The following ARHGAP18 variants were observed in gnomAD, a reference collection of about 807,000 sequenced individuals.
The protein encoded by ARHGAP18 is rho GTPase-activating protein 18.
A neutral mutation model predicts 86.2 loss-of-function variants in ARHGAP18; 67 were observed. That is an observed-to-expected ratio of 0.78 (90% CI 0.64 to 0.95). The LOEUF (loss-of-function observed/expected upper bound fraction) is 0.95, where lower values mean the gene tolerates loss of function less well. Among genes scored for constraint, ARHGAP18 ranks in the 40% least tolerant of loss-of-function variants. The pLI, the probability that ARHGAP18 is intolerant of heterozygous loss-of-function variation, is 0.00. For synonymous variants in ARHGAP18, 283 were observed against 280.4 expected, an observed-to-expected ratio of 1.01 and a Z score of -0.09; for missense variants, 691 against 780.4, an observed-to-expected ratio of 0.89 and a Z score of 1.37.
intron 5 of ARHGAP18, among the ~76,000 whole-genome samples, chr6:129,628,463 T>A (rs1773089569): frequency 6.6e-6 from 1 of 152,202 alleles, no homozygotes; most frequent in South Asian, 2.1e-4. Flanking sequence ...ATTTGCCCAG[T>A]CTCAAGGATG....
chr6:129,581,147 T>C (rs974960616), intron 13 of ARHGAP18, among the ~76,000 whole-genome samples: 7 of 152,158 alleles, frequency 4.6e-5, no homozygotes, highest in African/African-American at 1.7e-4. Flanking sequence ...GAAGACACAC[T>C]CTCTGGAACT....
At chr6:129,583,950 T>G in intron 13 of ARHGAP18, 38 bp downstream of exon 13, 1 of 1,602,738 alleles carries the variant, frequency 6.2e-7, no homozygotes, top group Non-Finnish European at 8.5e-7. Flanking sequence ...AGCAAGTGAC[T>G]TATGCCATGG....
At chr6:129,652,936 ATTGCCC>A (rs1177101958) in intron 1 of ARHGAP18, among the ~76,000 whole-genome samples, 1 of 152,238 alleles carries the variant, frequency 6.6e-6, no homozygotes, top group Non-Finnish European at 1.5e-5. Flanking sequence ...TAGCAAATAT[ATTGCCC>A]TTCAGTAGGA....
At chr6:129,585,020 CTTTT>C (rs59934135) in intron 12 of ARHGAP18, among the ~76,000 whole-genome samples, 17 of 143,074 alleles carry the variant, frequency 1.2e-4, no homozygotes, top group Non-Finnish European at 1.5e-4. Flanking sequence ...ATATCATGTC[CTTTT>C]TTTTTTTTTT....
intron 10 of ARHGAP18, 80 bp from the exon 11 acceptor site, chr6:129,600,928 AT>A: frequency 7.9e-7 from 1 of 1,259,970 alleles, no homozygotes; most frequent in South Asian, 1.4e-5. Context: ...TGCAATTTTT[AT>A]TTCATTGAAA....
intron 1 of ARHGAP18, among the ~76,000 whole-genome samples, chr6:129,684,200 G>A (rs529171548): frequency 6.6e-6 from 1 of 152,254 alleles, no homozygotes; most frequent in South Asian, 2.1e-4. Flanking sequence ...AGGAAATGAT[G>A]CATGCGATAG....
chr6:129,633,205 A>C (rs1773254399), intron 4 of ARHGAP18, among the ~76,000 whole-genome samples: 1 of 151,706 alleles, frequency 6.6e-6, no homozygotes, highest in Admixed American at 6.6e-5. Context: ...AGGCAGGCAG[A>C]TCATTTGAGG....
intron 1 of ARHGAP18, among the ~76,000 whole-genome samples, chr6:129,705,605 C>T (rs1042723699): frequency 1.3e-5 from 2 of 152,128 alleles, no homozygotes; most frequent in African/African-American, 4.8e-5. Flanking sequence ...ATGGATAATG[C>T]CCATGTTTCT....
intron 10 of ARHGAP18, among the ~76,000 whole-genome samples, chr6:129,604,667 T>G (rs753774971): frequency 5.5e-4 from 84 of 152,122 alleles, no homozygotes; most frequent in Non-Finnish European, 1.1e-3. Flanking sequence ...GCACACACTC[T>G]TTGAATATAA....
Position 129,580,147 on chromosome 6 carries a change from C to T in ARHGAP18, c.1839-16G>A. The T allele has an allele frequency of 6.2e-7, 1 of 1,609,224 alleles. No individual in the cohort carries two copies. Among genetic ancestry groups the T allele is most frequent in the Non-Finnish European group, 8.5e-7 (1 of 1,176,248 alleles). On this transcript the variant is annotated splice_polypyrimidine_tract_variant and intron_variant, in intron 13 of 14. Coordinates refer to ENST00000368149, the MANE Select transcript of ARHGAP18 (RefSeq NM_033515.3). ...GGCAACCCCACTATGAGGGACAAAA[C>T]AAACCGATTAGTTGTATCATCAAAC...
At chr6:129,608,246 T>C (rs1470384646) in intron 8 of ARHGAP18, among the ~76,000 whole-genome samples, 194 bp from the exon 9 acceptor site, 1 of 152,042 alleles carries the variant, frequency 6.6e-6, no homozygotes, top group Non-Finnish European at 1.5e-5. Context: ...AAATGTACTT[T>C]ACCAACAAAA....
chr6:129,611,541 T>C lies in ARHGAP18; in HGVS notation c.1114A>G (p.Arg372Gly), dbSNP rs758781370. The C allele has an allele frequency of 1.2e-6, 2 of 1,613,716 alleles. No homozygotes were observed. The highest frequency in any genetic ancestry group is 8.5e-7 in the Non-Finnish European group (1 of 1,179,712). The change falls in exon 8 of 15, where the codon AGA (arginine) becomes GGA (glycine). Residue 372 changes from arginine (R) to glycine (G), a missense_variant. Physicochemically the swap from Arg to Gly is moderately radical, Grantham distance 125 (BLOSUM62 -2). Transcript: ENST00000368149. Reference sequence around the variant, plus strand: ...TAGAACCCAGAGATTACCTTGATTCTAATGGCAGCTCCAGGGATCCGTAAG... The same window carrying C: ...TAGAACCCAGAGATTACCTTGATTCCAATGGCAGCTCCAGGGATCCGTAAG... ...GLLRIPGAAI[R>G]IKNLCQELEA...
At chr6:129,706,175 G>C (rs2032533) in intron 1 of ARHGAP18, among the ~76,000 whole-genome samples, 3 of 152,040 alleles carry the variant, frequency 2.0e-5, no homozygotes, top group Non-Finnish European at 4.4e-5. Context: ...AAAATGGGAA[G>C]GTAAGAGAGA....
chr6:129,640,092 T>C (rs747686148), intron 2 of ARHGAP18, among the ~76,000 whole-genome samples: 2 of 150,662 alleles, frequency 1.3e-5, no homozygotes, highest in Non-Finnish European at 3.0e-5. Context: ...TTATTATTTA[T>C]GCTTTTAAAG....
rs1461168121 is a variant in ARHGAP18, at chr6:129,576,416, G to T, written c.*2097C>A. 6.6e-6 allele frequency: 1 copy of T among 152,174 alleles called. No individual in the cohort carries two copies. 9.4% of individuals were successfully genotyped at this position (152,174 alleles called of 1,614,324 possible). On this transcript the variant is annotated 3_prime_UTR_variant, in exon 15 of 15. Transcript: ENST00000368149. ...CTTGAGGCTGCAGTTAGCCGCGAATGCACTGCTGTACTCCAATCTGGAAAA... is the reference window on the plus strand; with the variant it reads ...CTTGAGGCTGCAGTTAGCCGCGAATTCACTGCTGTACTCCAATCTGGAAAA...
chr6:129,626,364 G>A (rs1045227157), intron 5 of ARHGAP18, among the ~76,000 whole-genome samples: 1 of 151,880 alleles, frequency 6.6e-6, no homozygotes, highest in Non-Finnish European at 1.5e-5. Flanking sequence ...TAAAAGGAAA[G>A]AAAGTTTGCC....
At chr6:129,709,500 T>C (rs1774863542) in intron 1 of ARHGAP18, among the ~76,000 whole-genome samples, 1 of 152,170 alleles carries the variant, frequency 6.6e-6, no homozygotes, top group Non-Finnish European at 1.5e-5. Context: ...CAAAAGAATG[T>C]GAAACATATT....
chr6:129,704,958 T>C (rs960035628), intron 1 of ARHGAP18, among the ~76,000 whole-genome samples: 1 of 152,204 alleles, frequency 6.6e-6, no homozygotes, highest in Non-Finnish European at 1.5e-5. Flanking sequence ...GGTGCTTGGT[T>C]TCAGACTTAC....
At position 129,577,892 on chromosome 6, in the gene ARHGAP18, A is replaced by G. The variant is rs1430484665; in HGVS notation, c.*621T>C. ...TGGTCGCTGATACGGTTCTGTGAAC[A>G]TAAGTCAGATGAACTGAAAAAAAAT... is the stretch of plus-strand genomic sequence containing the variant. On this transcript the variant is annotated 3_prime_UTR_variant, in exon 15 of 15. Coordinates refer to ENST00000368149, the MANE Select transcript of ARHGAP18 (RefSeq NM_033515.3). 2.6e-5 allele frequency: 4 copies of G among 152,232 alleles called. No homozygotes were observed. The highest frequency in any genetic ancestry group is 9.6e-5 in the African/African-American group (4 of 41,476). 9.4% of individuals were successfully genotyped at this position (152,232 alleles called of 1,614,324 possible).
Sources: allele counts gnomAD v4.1 joint callset (sites outside exome capture counted in the v4.1 genomes callset), GRCh38; gene constraint gnomAD v4.1.1; transcripts MANE v1.5; gene names NCBI Gene and HGNC (gene_info 2026-07-23, HGNC 2026-07-21).